The following RBFOX1 variants were observed in gnomAD, a reference collection of about 807,000 sequenced individuals.
The protein encoded by RBFOX1 is RNA binding protein fox-1 homolog 1.
RBFOX1 carries 8 observed loss-of-function variants against 57.7 expected under a neutral mutation model. The ratio of observed to expected loss-of-function variants is 0.14; its 90% confidence interval spans 0.08 to 0.25. The LOEUF (loss-of-function observed/expected upper bound fraction) is 0.25, where lower values mean the gene tolerates loss of function less well. Ranked by LOEUF, RBFOX1 falls within the 10% of genes least tolerant of loss-of-function variation. The pLI, the probability that RBFOX1 is intolerant of heterozygous loss-of-function variation, is 1.00. For synonymous variants in RBFOX1, 326 were observed against 222.4 expected (o/e 1.47, Z -4.15); for missense variants, 611 against 548.5 (o/e 1.11, Z -1.14).
intron 3 of RBFOX1, among the ~76,000 whole-genome samples, chr16:6,996,271 T>C (rs926889390): frequency 3.3e-5 from 5 of 152,216 alleles, no homozygotes; most frequent in Non-Finnish European, 4.4e-5. Context: ...TACAATGATA[T>C]TGAGTATCTC....
chr16:7,691,468 T>G (rs2077316149), intron 14 of RBFOX1, among the ~76,000 whole-genome samples: 4 of 147,464 alleles, frequency 2.7e-5, no homozygotes, highest in South Asian at 4.3e-4. Context: ...AAGGAAAGGG[T>G]AGGAGAGGAA....
At chr16:5,846,069 C>G (rs186147713) in intron 3 of RBFOX1, among the ~76,000 whole-genome samples, 18 of 151,904 alleles carry the variant, frequency 1.2e-4, no homozygotes, top group African/African-American at 4.4e-4. Flanking sequence ...GTAATCCTAA[C>G]TACTTGGGAG....
In RBFOX1 at chr16:7,186,324, A is replaced by G. The variant is rs56786031; in HGVS notation, c.27+134226A>G. Reference sequence around the variant, plus strand: ...CATAAACATATTTATATAAATATAAACATAAACATATTTATATAAATATAA... The same window carrying G: ...CATAAACATATTTATATAAATATAAGCATAAACATATTTATATAAATATAA... On this transcript the variant is annotated intron_variant, in intron 4 of 15. Transcript: ENST00000550418. Among the ~76,000 whole-genome samples the G allele has an allele frequency of 4.6e-3, 308 of 67,356 alleles. 6 individuals are homozygous for G. The highest frequency in any genetic ancestry group is 0.024 in the African/African-American group (260 of 10,712). 44.2% of individuals were successfully genotyped at this position (67,356 alleles called of 152,430 possible). A position where few individuals can be genotyped will look rare whatever the true frequency, so the allele number is the denominator to read the frequency against.
intron 5 of RBFOX1, among the ~76,000 whole-genome samples, chr16:7,537,029 C>G (rs761818560): frequency 2.6e-5 from 4 of 152,128 alleles, no homozygotes; most frequent in Non-Finnish European, 5.9e-5. Flanking sequence ...CCCTGCTGGC[C>G]TCATCTGGGG....
At chr16:5,918,769 C>T (rs886608990) in intron 4 of RBFOX1, among the ~76,000 whole-genome samples, 6 of 152,240 alleles carry the variant, frequency 3.9e-5, no homozygotes, top group Admixed American at 6.5e-5. Flanking sequence ...AGGTTGATCA[C>T]AGTCAAGGGA....
intron 4 of RBFOX1, among the ~76,000 whole-genome samples, chr16:7,479,111 T>A (rs1177112714): frequency 4.0e-5 from 1 of 24,990 alleles, no homozygotes; most frequent in Non-Finnish European, 2.3e-4. Flanking sequence ...CAAAACCCAG[T>A]TTTGTTTTTT....
At chr16:7,601,474 T>C (rs2095020312) in intron 9 of RBFOX1, among the ~76,000 whole-genome samples, 1 of 152,200 alleles carries the variant, frequency 6.6e-6, no homozygotes, top group Non-Finnish European at 1.5e-5. Flanking sequence ...CCCTGAGAGA[T>C]ACTAGTTTAA....
rs575480989 is a variant in RBFOX1, at chr16:6,877,242, C to G, written c.-15-174815C>G. Among the ~76,000 whole-genome samples the G allele has an allele frequency of 3.9e-5, 6 of 152,274 alleles. No homozygotes were observed. In the South Asian group the frequency reaches 8.3e-4, roughly 21 times the overall value. On this transcript the variant is annotated intron_variant, in intron 3 of 15. Coordinates refer to ENST00000550418, the MANE Select transcript of RBFOX1 (RefSeq NM_018723.4). ...AATACAGTCCATATTTCATAAATCCCACATGTTGACATGTCCTAGAGAAAG... is the reference window on the plus strand; with the variant it reads ...AATACAGTCCATATTTCATAAATCCGACATGTTGACATGTCCTAGAGAAAG...
intron 3 of RBFOX1, among the ~76,000 whole-genome samples, chr16:5,811,881 T>G (rs1232558171): frequency 6.6e-6 from 1 of 152,178 alleles, no homozygotes; most frequent in Non-Finnish European, 1.5e-5. Flanking sequence ...CAATTTAGCT[T>G]TAGAACTCCA....
chr16:7,354,468 C>G (rs2097180194), intron 4 of RBFOX1, among the ~76,000 whole-genome samples: 1 of 152,106 alleles, frequency 6.6e-6, no homozygotes, highest in African/African-American at 2.4e-5. Context: ...TTAAACACGG[C>G]CTAGCACCAG....
intron 2 of RBFOX1, among the ~76,000 whole-genome samples, chr16:5,530,153 C>T (rs1567198072): frequency 6.6e-6 from 1 of 152,264 alleles, no homozygotes; most frequent in Admixed American, 6.5e-5. Context: ...ACCCTTAGAG[C>T]CTGAGAGCTC....
intron 4 of RBFOX1, among the ~76,000 whole-genome samples, chr16:7,254,938 A>T (rs922827508): frequency 1.3e-5 from 2 of 152,080 alleles, no homozygotes; most frequent in African/African-American, 2.4e-5. Context: ...ATTTCAATTC[A>T]CTCATTAATG....
At chr16:5,797,538 A>G (rs1335223168) in intron 3 of RBFOX1, among the ~76,000 whole-genome samples, 2 of 152,186 alleles carry the variant, frequency 1.3e-5, no homozygotes, top group Non-Finnish European at 2.9e-5. Context: ...GGGACCAATT[A>G]TGAAGTTGAC....
At chr16:6,971,411 G>A (rs1454289752) in intron 3 of RBFOX1, among the ~76,000 whole-genome samples, 1 of 152,008 alleles carries the variant, frequency 6.6e-6, no homozygotes, top group Non-Finnish European at 1.5e-5. Context: ...GAGCAGAAAG[G>A]GAAGGGTGGT....
chr16:6,266,905 G>A (rs935144322), intron 1 of RBFOX1, among the ~76,000 whole-genome samples: 1 of 152,034 alleles, frequency 6.6e-6, no homozygotes, highest in Admixed American at 6.6e-5. Context: ...TGATTGATTC[G>A]CTTCTGAATT....
chr16:6,169,648 G>A (rs762715334), intron 1 of RBFOX1, among the ~76,000 whole-genome samples: 8 of 152,306 alleles, frequency 5.3e-5, no homozygotes, highest in Middle Eastern at 3.4e-3. Flanking sequence ...TTACAGCTCC[G>A]CGTTTGCCTA....
At chr16:5,366,793 C>G (rs1043879803) in intron 1 of RBFOX1, 3 of 263,254 alleles carry the variant, frequency 1.1e-5, no homozygotes, top group Non-Finnish European at 1.5e-5. Context: ...ATAAATTTCC[C>G]TATCGTGTTT....
At chr16:6,725,410 G>A (rs777388142) in intron 3 of RBFOX1, among the ~76,000 whole-genome samples, 1 of 152,066 alleles carries the variant, frequency 6.6e-6, no homozygotes, top group South Asian at 2.1e-4. Context: ...ACCTGTACCT[G>A]GTGCCGACCA....
At chr16:6,096,459 C>A (rs1322509327) in intron 1 of RBFOX1, among the ~76,000 whole-genome samples, 1 of 152,098 alleles carries the variant, frequency 6.6e-6, no homozygotes, top group Non-Finnish European at 1.5e-5. Flanking sequence ...ACTGCTGATG[C>A]CCTGCATATC....
Sources: allele counts gnomAD v4.1 joint callset (sites outside exome capture counted in the v4.1 genomes callset), GRCh38; gene constraint gnomAD v4.1.1; transcripts MANE v1.5; gene names NCBI Gene and HGNC (gene_info 2026-07-23, HGNC 2026-07-21).